The following CLDN16 variants were observed in gnomAD, a reference collection of about 807,000 sequenced individuals.
The protein encoded by CLDN16 is claudin-16.
A neutral mutation model predicts 24.6 loss-of-function variants in CLDN16; 13 were observed. The ratio of observed to expected loss-of-function variants is 0.53; its 90% CI spans 0.34 to 0.84. The LOEUF is 0.84. Ranked by LOEUF, CLDN16 falls within the 40% of genes least tolerant of loss-of-function variation. The pLI is 0.01. For synonymous variants in CLDN16, 116 were observed against 106.7 expected, an observed-to-expected ratio of 1.09 and a Z score of -0.54; for missense variants, 298 against 292.7, an observed-to-expected ratio of 1.02 and a Z score of -0.13.
chr3:190,298,448 G>T, the CLDN16 span, among the ~76,000 whole-genome samples: 6 of 128,382 alleles, frequency 4.7e-5, no homozygotes, highest in East Asian at 1.2e-3. Flanking sequence ...GTCCTTCTGG[G>T]AGTTGCTTTT....
the CLDN16 span, among the ~76,000 whole-genome samples, chr3:190,303,980 G>A: frequency 2.6e-5 from 4 of 152,136 alleles, no homozygotes; most frequent in African/African-American, 7.2e-5. Context: ...TAAGTGCCTG[G>A]ATGGGTGTTA....
the CLDN16 span, among the ~76,000 whole-genome samples, chr3:190,305,272 T>C: frequency 2.0e-5 from 3 of 152,276 alleles, no homozygotes; most frequent in East Asian, 5.8e-4. Context: ...AGATAATGAG[T>C]GAATGAGTTC....
intron 1 of CLDN16, among the ~76,000 whole-genome samples, chr3:190,390,218 A>G (rs1384728327): frequency 1.3e-5 from 2 of 152,204 alleles, no homozygotes; most frequent in Non-Finnish European, 2.9e-5. Context: ...ATGTATTGCT[A>G]TAATATTCCC....
chr3:190,335,508 A>G (rs1389687780), intron 1 of CLDN16, among the ~76,000 whole-genome samples: 1 of 151,916 alleles, frequency 6.6e-6, no homozygotes, highest in Non-Finnish European at 1.5e-5. Context: ...AGGTCAGGAG[A>G]TCAAGACCAT....
chr3:190,362,849 T>C, intron 1 of CLDN16, among the ~76,000 whole-genome samples: 1 of 151,970 alleles, frequency 6.6e-6, no homozygotes, highest in East Asian at 1.9e-4. Flanking sequence ...ACATTATATG[T>C]TTTCCTGTTT....
intron 3 of CLDN16, among the ~76,000 whole-genome samples, chr3:190,405,457 G>GA (rs554897563): frequency 0.025 from 3,051 of 123,454 alleles, 40 homozygotes; most frequent in African/African-American, 0.037. Context: ...AGGAAATAAA[G>GA]AAAAAAAAAA....
At position 190,348,366 on chromosome 3, in the gene CLDN16, G is replaced by T. The variant is rs950285230; in HGVS notation, n.122-22527G>T. On this transcript the variant is annotated intron_variant and non_coding_transcript_variant, in intron 1 of 4. Transcript: ENST00000468220. ...GTGTGTGTGTGTGTGTGTGTGTGTG[G>T]TGTGTGTCTTTGGAAGATTATGTTT... 1.6e-3 allele frequency among the ~76,000 whole-genome samples: 202 copies of T among 128,438 alleles called. 1 individual carries two copies. The highest frequency in any genetic ancestry group is 1.3e-3 in the Non-Finnish European group (81 of 60,360). 84.3% of individuals were successfully genotyped at this position (128,438 alleles called of 152,430 possible).
chr3:190,348,087 CA>C (rs777398020), intron 1 of CLDN16, among the ~76,000 whole-genome samples: 5,577 of 97,384 alleles, frequency 0.057, 117 homozygotes, highest in Non-Finnish European at 0.072. Flanking sequence ...ACTGAAAATA[CA>C]AAAAAAAAAA....
chr3:190,387,384 C>T (rs116153153), upstream of CLDN16, among the ~76,000 whole-genome samples: 719 of 151,794 alleles, frequency 4.7e-3, 7 homozygotes, highest in African/African-American at 0.017. Flanking sequence ...TCATTAGACG[C>T]GTTTTCAAAC....
chr3:190,315,903 C>T, the CLDN16 span, among the ~76,000 whole-genome samples: 1 of 152,164 alleles, frequency 6.6e-6, no homozygotes, highest in African/African-American at 2.4e-5. Context: ...GCAAGGAACA[C>T]ATGTGCATAA....
chr3:190,323,025 C>CACACACAA (rs559057976), intron 1 of CLDN16, among the ~76,000 whole-genome samples: 38 of 151,534 alleles, frequency 2.5e-4, no homozygotes, highest in African/African-American at 9.0e-4. Context: ...CACACACACA[C>CACACACAA]ACAGACACAC....
At chr3:190,402,554 T>C in intron 2 of CLDN16, 115 bp downstream of exon 2, 3 of 776,312 alleles carry the variant, frequency 3.9e-6, no homozygotes, top group Non-Finnish European at 6.9e-6. Context: ...TTCGGTCCAG[T>C]TTGTAATGGT....
At chr3:190,394,101 T>G (rs1406246136) in intron 1 of CLDN16, among the ~76,000 whole-genome samples, 1 of 152,134 alleles carries the variant, frequency 6.6e-6, no homozygotes, top group Non-Finnish European at 1.5e-5. Flanking sequence ...ACCAGGGAAA[T>G]AAGACAGATA....
intron 1 of CLDN16, among the ~76,000 whole-genome samples, chr3:190,340,550 C>T (rs1309337814): frequency 6.6e-6 from 1 of 152,140 alleles, no homozygotes; most frequent in Non-Finnish European, 1.5e-5. Flanking sequence ...CTACCAGGTC[C>T]ATCCCACAAC....
intron 2 of CLDN16, among the ~76,000 whole-genome samples, chr3:190,403,828 A>G (rs1719021938): frequency 1.3e-5 from 2 of 152,214 alleles, no homozygotes. Flanking sequence ...ACCTACAAAG[A>G]AACACTATTT....
intron 1 of CLDN16, among the ~76,000 whole-genome samples, chr3:190,338,670 T>C (rs1050765910): frequency 6.6e-6 from 1 of 152,214 alleles, no homozygotes; most frequent in Admixed American, 6.5e-5. Flanking sequence ...ATGTGTATTA[T>C]TGACAGCCTT....
chr3:190,396,742 G>A (rs1219019848), intron 1 of CLDN16, among the ~76,000 whole-genome samples: 3 of 152,128 alleles, frequency 2.0e-5, no homozygotes, highest in Non-Finnish European at 4.4e-5. Context: ...AATTCCTGTG[G>A]GATTTCAGGA....
intron 3 of CLDN16, among the ~76,000 whole-genome samples, chr3:190,379,987 A>ATCTATCTATCTG: frequency 1.3e-5 from 2 of 151,756 alleles, no homozygotes; most frequent in South Asian, 4.2e-4. Context: ...CTATCTATCT[A>ATCTATCTATCTG]TCTATCTATC....
chr3:190,316,405 CA>C, the CLDN16 span, among the ~76,000 whole-genome samples: 3 of 152,014 alleles, frequency 2.0e-5, no homozygotes, highest in African/African-American at 7.2e-5. Context: ...GAGGAAAATG[CA>C]AAAATAATAT....
Sources: gnomAD v4.1 joint callset for allele counts (sites outside exome capture counted in the v4.1 genomes callset) on GRCh38, gnomAD v4.1.1 for gene constraint, MANE v1.5 for transcripts, NCBI Gene and HGNC (gene_info 2026-07-23, HGNC 2026-07-21) for gene names.